NRXN1: variants seen among roughly 807,000 people sequenced by gnomAD.
NRXN1 encodes neurexin 1.
Under a neutral mutation model 150.9 loss-of-function variants are expected in NRXN1, and 39 were observed. The observed-to-expected ratio is 0.26, with a 90% CI of 0.20 to 0.34. NRXN1 has a LOEUF of 0.34. Ranked by LOEUF, NRXN1 falls within the 10% of genes least tolerant of loss-of-function variation. NRXN1 has a pLI of 1.00. For missense variants in NRXN1, 1,815 were observed against 1,949.9 expected (o/e 0.93, Z 1.30); for synonymous variants, 924 against 757.0 (o/e 1.22, Z -3.62).
chr2:50,623,177 C>T, intron 6 of NRXN1, 137 bp downstream of exon 6: 1 of 651,970 alleles, frequency 1.5e-6, no homozygotes. Flanking sequence ...CAGGAAGATT[C>T]ATCTCAGAAG....
intron 17 of NRXN1, among the ~76,000 whole-genome samples, chr2:50,247,408 A>C (rs2066607282): frequency 6.6e-6 from 1 of 152,046 alleles, no homozygotes; most frequent in African/African-American, 2.4e-5. Context: ...TACTCAGAGA[A>C]ATCTGACAGA....
At chr2:50,308,953 G>C (rs868337631) in intron 17 of NRXN1, among the ~76,000 whole-genome samples, 4 of 152,274 alleles carry the variant, frequency 2.6e-5, no homozygotes, top group African/African-American at 4.8e-5. Context: ...AGGGTTAAAC[G>C]AGACATGTTT....
At chr2:50,299,754 G>C (rs1382960235) in intron 17 of NRXN1, among the ~76,000 whole-genome samples, 3 of 152,118 alleles carry the variant, frequency 2.0e-5, no homozygotes, top group Non-Finnish European at 4.4e-5. Context: ...AACTAAACCC[G>C]CTGATCTTGG....
intron 2 of NRXN1, among the ~76,000 whole-genome samples, chr2:50,985,602 A>G (rs58396791): frequency 0.011 from 1,685 of 151,952 alleles, 37 homozygotes; most frequent in African/African-American, 0.038. Flanking sequence ...GTACTACAAT[A>G]ATAAGGAAAA....
At chr2:50,318,080 T>A (rs1373554823) in intron 17 of NRXN1, among the ~76,000 whole-genome samples, 1 of 151,604 alleles carries the variant, frequency 6.6e-6, no homozygotes, top group Non-Finnish European at 1.5e-5. Context: ...AGAATAAACA[T>A]AACAAAATAT....
intron 19 of NRXN1, among the ~76,000 whole-genome samples, chr2:50,077,784 T>C (rs1697323760): frequency 1.3e-5 from 2 of 152,248 alleles, no homozygotes; most frequent in South Asian, 4.1e-4. Flanking sequence ...GTTAGATATA[T>C]TCTTTTTGGA....
chr2:50,002,484 G>C (rs1684110655), intron 21 of NRXN1, among the ~76,000 whole-genome samples: 1 of 152,034 alleles, frequency 6.6e-6, no homozygotes. Context: ...AAGAATATTA[G>C]GATGTCAGTG....
intron 17 of NRXN1, among the ~76,000 whole-genome samples, chr2:50,375,246 G>A (rs2080397018): frequency 6.6e-6 from 1 of 151,634 alleles, no homozygotes; most frequent in African/African-American, 2.4e-5. Flanking sequence ...TTCATACCAG[G>A]CTTAGCTTAC....
At chr2:50,418,065 G>C (rs2083684559) in intron 17 of NRXN1, among the ~76,000 whole-genome samples, 1 of 151,998 alleles carries the variant, frequency 6.6e-6, no homozygotes, top group Non-Finnish European at 1.5e-5. Context: ...AGGTCACCAT[G>C]ATGATGACCT....
intron 18 of NRXN1, among the ~76,000 whole-genome samples, chr2:50,135,809 G>T (rs1050328850): frequency 2.6e-5 from 4 of 152,210 alleles, no homozygotes; most frequent in Non-Finnish European, 4.4e-5. Flanking sequence ...TTTCATGTAG[G>T]AGAGAAGGAT....
At chr2:50,532,571 A>G (rs2093146414) in intron 10 of NRXN1, among the ~76,000 whole-genome samples, 2 of 152,088 alleles carry the variant, frequency 1.3e-5, no homozygotes, top group African/African-American at 4.8e-5. Flanking sequence ...GTAACTTTAA[A>G]TATTATCTAT....
intron 9 of NRXN1, among the ~76,000 whole-genome samples, chr2:50,544,056 ACAAT>A (rs1273663469): frequency 1.3e-5 from 2 of 152,152 alleles, no homozygotes; most frequent in African/African-American, 4.8e-5. Context: ...TTTTGAATAA[ACAAT>A]CTTTAAATTA....
intron 5 of NRXN1, among the ~76,000 whole-genome samples, chr2:50,624,501 A>C (rs1370876396): frequency 6.6e-6 from 1 of 152,118 alleles, no homozygotes; most frequent in Non-Finnish European, 1.5e-5. Context: ...TTCAATGAAG[A>C]GACAAACAGT....
chr2:50,997,098 T>C (rs998483058), intron 2 of NRXN1, among the ~76,000 whole-genome samples: 61 of 152,042 alleles, frequency 4.0e-4, no homozygotes, highest in African/African-American at 1.4e-3. Context: ...CAGTGGCTCA[T>C]GCCTGTGATC....
chr2:50,827,570 T>C (rs962811982), intron 5 of NRXN1, among the ~76,000 whole-genome samples: 6 of 152,374 alleles, frequency 3.9e-5, no homozygotes, highest in Non-Finnish European at 8.8e-5. Context: ...CAATAAATTA[T>C]TGATTTCCAC....
At chr2:50,153,527 T>C (rs1235896772) in intron 18 of NRXN1, among the ~76,000 whole-genome samples, 1 of 151,742 alleles carries the variant, frequency 6.6e-6, no homozygotes, top group African/African-American at 2.4e-5. Flanking sequence ...TTCTTCTGAT[T>C]GTTGCAGGCT....
chr2:50,185,202 C>A (rs1001004944), intron 18 of NRXN1, among the ~76,000 whole-genome samples: 1 of 152,044 alleles, frequency 6.6e-6, no homozygotes, highest in Non-Finnish European at 1.5e-5. Context: ...ATAGTTAGAT[C>A]TGAGTTGAAT....
chr2:50,070,854 A>C (rs905247118), intron 19 of NRXN1, among the ~76,000 whole-genome samples: 4 of 152,092 alleles, frequency 2.6e-5, no homozygotes, highest in Admixed American at 2.6e-4. Flanking sequence ...AGGCATCCTA[A>C]ATAATGCAGT....
At chr2:50,246,269 A>C (rs1347856632) in intron 17 of NRXN1, among the ~76,000 whole-genome samples, 1 of 152,034 alleles carries the variant, frequency 6.6e-6, no homozygotes, top group Non-Finnish European at 1.5e-5. Flanking sequence ...TTTTTACCAC[A>C]GTCACTTTTA....
Sources: gnomAD v4.1 joint callset for allele counts (sites outside exome capture counted in the v4.1 genomes callset) on GRCh38, gnomAD v4.1.1 for gene constraint, MANE v1.5 for transcripts, NCBI Gene and HGNC (gene_info 2026-07-23, HGNC 2026-07-21) for gene names.